TANC2: variants seen among roughly 807,000 people sequenced by gnomAD.
TANC2 encodes protein TANC2.
In TANC2, 26 loss-of-function variants were observed where a neutral mutation model predicts 210.5. The observed-to-expected ratio is 0.12, with a 90% CI of 0.09 to 0.17. The LOEUF (loss-of-function observed/expected upper bound fraction) is 0.17, where lower values mean the gene tolerates loss of function less well. Among genes scored for constraint, TANC2 ranks in the 10% least tolerant of loss-of-function variants. The pLI is 1.00. For synonymous variants in TANC2, 931 were observed against 967.1 expected, an observed-to-expected ratio of 0.96 and a Z score of 0.69; for missense variants, 2,129 against 2,608.9, an observed-to-expected ratio of 0.82 and a Z score of 4.01.
At chr17:63,221,442 C>CAAAAAAAA (rs755699051) in intron 7 of TANC2, among the ~76,000 whole-genome samples, 1 of 87,520 alleles carries the variant, frequency 1.1e-5, no homozygotes, top group African/African-American at 4.3e-5. Flanking sequence ...GACTCCATCT[C>CAAAAAAAA]AAAAAAAAAA....
At chr17:63,277,069 TCTTCC>T (rs965081126) in intron 9 of TANC2, among the ~76,000 whole-genome samples, 1 of 152,136 alleles carries the variant, frequency 6.6e-6, no homozygotes, top group Non-Finnish European at 1.5e-5. Flanking sequence ...TCGACTCCTC[TCTTCC>T]TAAATAGTAC....
At chr17:63,062,931 T>C in intron 2 of TANC2, among the ~76,000 whole-genome samples, 1 of 152,166 alleles carries the variant, frequency 6.6e-6, no homozygotes, top group East Asian at 1.9e-4. Flanking sequence ...ACTTAGAGTT[T>C]AGAGTCAAAT....
intron 14 of TANC2, among the ~76,000 whole-genome samples, chr17:63,374,156 C>A (rs2047358037): frequency 6.7e-6 from 1 of 149,916 alleles, no homozygotes; most frequent in Non-Finnish European, 1.5e-5. Flanking sequence ...TCTGCTTCAG[C>A]CTCCCAAGTA....
intron 8 of TANC2, among the ~76,000 whole-genome samples, chr17:63,252,147 A>G (rs2043069206): frequency 1.3e-5 from 2 of 152,200 alleles, no homozygotes; most frequent in Non-Finnish European, 2.9e-5. Flanking sequence ...ACTCCACAGT[A>G]TAAGATCTCT....
chr17:63,340,542 AATTCTT>A (rs781333929), intron 12 of TANC2, among the ~76,000 whole-genome samples: 37 of 152,244 alleles, frequency 2.4e-4, no homozygotes, highest in Non-Finnish European at 4.7e-4. Flanking sequence ...TCTTTATAAA[AATTCTT>A]ATTCTTATTT....
chr17:63,302,964 G>A (rs1361357629), intron 9 of TANC2, among the ~76,000 whole-genome samples: 2 of 152,036 alleles, frequency 1.3e-5, no homozygotes, highest in African/African-American at 4.8e-5. Flanking sequence ...GTTTCGCCAT[G>A]TTGGCCAGGC....
At chr17:63,051,448 A>C (rs1376144519) in intron 2 of TANC2, among the ~76,000 whole-genome samples, 1 of 152,164 alleles carries the variant, frequency 6.6e-6, no homozygotes, top group Non-Finnish European at 1.5e-5. Flanking sequence ...AAAATGATTT[A>C]TTTAGTTAAT....
intron 9 of TANC2, among the ~76,000 whole-genome samples, chr17:63,269,485 T>A (rs983910133): frequency 2.0e-5 from 3 of 152,168 alleles, no homozygotes; most frequent in African/African-American, 7.2e-5. Context: ...TCAGATTTGA[T>A]TGAAAATCTG....
intron 14 of TANC2, among the ~76,000 whole-genome samples, chr17:63,364,030 G>C (rs1213452256): frequency 6.6e-6 from 1 of 152,110 alleles, no homozygotes; most frequent in Non-Finnish European, 1.5e-5. Context: ...TATTATTGGG[G>C]ATTTATCTAA....
chr17:63,304,436 G>A (rs1387954553), intron 9 of TANC2, among the ~76,000 whole-genome samples: 1 of 152,190 alleles, frequency 6.6e-6, no homozygotes, highest in African/African-American at 2.4e-5. Context: ...CTGGAGAGCA[G>A]CAAAGATGGG....
chr17:63,277,521 A>AC (rs11452701), intron 9 of TANC2, among the ~76,000 whole-genome samples: 92,849 of 151,750 alleles, frequency 0.61, 30,755 homozygotes, highest in African/African-American at 0.87. Flanking sequence ...TCTCTGTCTT[A>AC]AGTTATCATT....
At position 63,067,137 on chromosome 17, in the gene TANC2, A is replaced by G. The variant is rs540655579; in HGVS notation, c.68-6806A>G. Among the ~76,000 whole-genome samples, 5 of 152,340 alleles carry G rather than the reference A, an allele frequency of 3.3e-5. No homozygotes were observed. The East Asian group carries it at 7.7e-4, about 24-fold the overall frequency. ...AGTATTAAAGAAGACTTGGAGTTTC[A>G]TAACTCAAAACATTCATAATGTCCG... On this transcript the variant is annotated intron_variant, in intron 2 of 27. Transcript: ENST00000689528.
chr17:63,407,605 T>A (rs909129497), intron 21 of TANC2, among the ~76,000 whole-genome samples: 9 of 152,360 alleles, frequency 5.9e-5, no homozygotes, highest in Middle Eastern at 3.4e-3. Flanking sequence ...CAACAAAGAT[T>A]TATTTAGGCT....
intron 1 of TANC2, among the ~76,000 whole-genome samples, chr17:62,971,078 T>C (rs1369036134): frequency 6.6e-6 from 1 of 152,182 alleles, no homozygotes; most frequent in Non-Finnish European, 1.5e-5. Flanking sequence ...ATAAATAGTT[T>C]AGACTTCGTT....
At chr17:63,071,177 G>A (rs902434371) in intron 2 of TANC2, among the ~76,000 whole-genome samples, 5 of 152,098 alleles carry the variant, frequency 3.3e-5, no homozygotes, top group Admixed American at 6.5e-5. Context: ...GTATACCTAA[G>A]CTTGCTGTGA....
chr17:63,410,063 A>C (rs898462243), intron 21 of TANC2, among the ~76,000 whole-genome samples: 4 of 152,220 alleles, frequency 2.6e-5, no homozygotes, highest in Non-Finnish European at 5.9e-5. Flanking sequence ...TTTTCAGATG[A>C]GGGATACTCA....
chr17:63,421,634 C>A lies in TANC2; in HGVS notation c.5904C>A (p.Asn1968Lys), dbSNP rs746147775. ...TCCTCAGTCCCACGTCTCCAGGCAA[C>A]CTGCCTCAGCCTGAGTCCTTCAGTC... The change falls in exon 28 of 28, where the codon AAC becomes AAA. Residue 1968 changes from asparagine (N) to lysine (K), a missense_variant. Asn to Lys is a moderately conservative substitution (Grantham distance 94, BLOSUM62 0). Transcript: ENST00000689528. This position sits in a 1 kb window ranked among gnomAD's most constrained non-coding sequence, Gnocchi z 6.9. 5.6e-6 allele frequency: 9 copies of A among 1,614,060 alleles called. 1 individual carries two copies. The South Asian group carries it at 9.9e-5, about 18-fold the overall frequency.
At chr17:63,289,271 T>C (rs1017749152) in intron 9 of TANC2, among the ~76,000 whole-genome samples, 2 of 152,178 alleles carry the variant, frequency 1.3e-5, no homozygotes, top group African/African-American at 4.8e-5. Context: ...TCTGTTCCTT[T>C]TTCTCTTTTT....
At chr17:63,117,549 T>C (rs995008046) in intron 4 of TANC2, among the ~76,000 whole-genome samples, 1 of 152,238 alleles carries the variant, frequency 6.6e-6, no homozygotes, top group Non-Finnish European at 1.5e-5. Flanking sequence ...GCATCTCTTG[T>C]GCTTTGGGAC....
Sources: gnomAD v4.1 joint callset for allele counts (sites outside exome capture counted in the v4.1 genomes callset) on GRCh38, gnomAD v4.1.1 for gene constraint, Gnocchi (gnomAD v3.1) non-coding constraint, MANE v1.5 for transcripts, NCBI Gene and HGNC (gene_info 2026-07-23, HGNC 2026-07-21) for gene names.